The following CSMD1 variants were observed in gnomAD, a reference collection of about 807,000 sequenced individuals.
The protein encoded by CSMD1 is CUB and sushi domain-containing protein 1.
In CSMD1, 213 loss-of-function variants were observed where a neutral mutation model predicts 417.5. The observed-to-expected ratio is 0.51, with a 90% confidence interval of 0.46 to 0.57. The LOEUF (loss-of-function observed/expected upper bound fraction) is 0.57, where lower values mean the gene tolerates loss of function less well. CSMD1 is among the 20% of genes least tolerant of loss of function. CSMD1 has a pLI of 0.00. For missense variants in CSMD1, 6,923 were observed against 4,529.7 expected, an observed-to-expected ratio of 1.53 and a Z score of -15.17; for synonymous variants, 2,862 against 1,736.8, an observed-to-expected ratio of 1.65 and a Z score of -16.11.
chr8:4,170,137 T>TA (rs939127938), intron 3 of CSMD1, among the ~76,000 whole-genome samples: 1 of 151,848 alleles, frequency 6.6e-6, no homozygotes, highest in Non-Finnish European at 1.5e-5. Context: ...GCTTCTCTTG[T>TA]AAAAGTTACC....
At chr8:3,284,544 C>T in intron 25 of CSMD1, 198 bp from the exon 26 acceptor site, 1 of 578,172 alleles carries the variant, frequency 1.7e-6, no homozygotes, top group South Asian at 2.0e-5. Flanking sequence ...GGATAAAGCA[C>T]ACAGGACCTC....
At chr8:4,670,353 G>C (rs536533168) in intron 1 of CSMD1, among the ~76,000 whole-genome samples, 11 of 152,210 alleles carry the variant, frequency 7.2e-5, no homozygotes, top group Admixed American at 1.3e-4. Flanking sequence ...ACCGTGTCAA[G>C]ATTGTGGCTA....
At chr8:4,565,652 T>G (rs1490017759) in intron 2 of CSMD1, among the ~76,000 whole-genome samples, 2 of 151,080 alleles carry the variant, frequency 1.3e-5, no homozygotes, top group South Asian at 2.1e-4. Context: ...GGAGAACCGT[T>G]TGAACCAAGG....
At chr8:3,190,383 C>G (rs1563127528) in intron 33 of CSMD1, among the ~76,000 whole-genome samples, 1 of 152,138 alleles carries the variant, frequency 6.6e-6, no homozygotes, top group Non-Finnish European at 1.5e-5. Flanking sequence ...TCAGGACCAT[C>G]TCAGTGTCCT....
In CSMD1 at chr8:3,196,769, T is replaced by C. The variant is rs190609739; in HGVS notation, c.5194+2945A>G. Among the ~76,000 whole-genome samples the C allele has an allele frequency of 2.1e-3, 318 of 152,280 alleles. 8 individuals carry two copies. Among genetic ancestry groups the C allele is most frequent in the Non-Finnish European group, 1.0e-3 (69 of 68,020 alleles). ...TGCAGGTCACTCATCTCAGTCTCCA[T>C]ACTGCTCCTTCCATCACTGGAGACC... is the stretch of plus-strand genomic sequence containing the variant. On this transcript the variant is annotated intron_variant, in intron 33 of 69. Transcript: ENST00000635120.
chr8:4,618,916 T>C (rs997504852), intron 2 of CSMD1, among the ~76,000 whole-genome samples: 1 of 152,104 alleles, frequency 6.6e-6, no homozygotes, highest in African/African-American at 2.4e-5. Flanking sequence ...CATAAACTCT[T>C]CACAAAAGAA....
chr8:4,402,594 A>G (rs1804716249), intron 3 of CSMD1, among the ~76,000 whole-genome samples: 1 of 152,128 alleles, frequency 6.6e-6, no homozygotes, highest in Admixed American at 6.5e-5. Context: ...AGATGCTTTG[A>G]ATATTACATT....
intron 1 of CSMD1, among the ~76,000 whole-genome samples, chr8:4,853,108 A>G (rs1460583466): frequency 2.6e-5 from 4 of 152,194 alleles, no homozygotes; most frequent in Non-Finnish European, 5.9e-5. Context: ...AAAGAAAAGC[A>G]TGTTTTTAGT....
intron 3 of CSMD1, among the ~76,000 whole-genome samples, chr8:4,347,522 A>G (rs974247796): frequency 6.6e-6 from 1 of 152,176 alleles, no homozygotes; most frequent in South Asian, 2.1e-4. Context: ...TACCAATGAC[A>G]TTACAGGATA....
At chr8:4,956,466 T>A (rs2117309921) in intron 1 of CSMD1, among the ~76,000 whole-genome samples, 1 of 148,586 alleles carries the variant, frequency 6.7e-6, no homozygotes, top group East Asian at 1.9e-4. Context: ...ATATTTTAAA[T>A]ATATTATAAA....
intron 1 of CSMD1, among the ~76,000 whole-genome samples, chr8:4,948,567 GT>G (rs1758344438): frequency 6.6e-6 from 1 of 151,926 alleles, no homozygotes; most frequent in Non-Finnish European, 1.5e-5. Flanking sequence ...TTTATTCATA[GT>G]ACCTTTATGT....
At chr8:3,478,161 G>T (rs958633202) in intron 11 of CSMD1, among the ~76,000 whole-genome samples, 1 of 152,188 alleles carries the variant, frequency 6.6e-6, no homozygotes, top group African/African-American at 2.4e-5. Flanking sequence ...ATCCATTACA[G>T]CCAGGTGGCA....
At chr8:4,346,154 G>T (rs1800767428) in intron 3 of CSMD1, among the ~76,000 whole-genome samples, 1 of 152,000 alleles carries the variant, frequency 6.6e-6, no homozygotes, top group Non-Finnish European at 1.5e-5. Flanking sequence ...TCTCCATGCT[G>T]GTCAACTATG....
chr8:4,375,516 G>GA (rs980303007), intron 3 of CSMD1, among the ~76,000 whole-genome samples: 1 of 152,062 alleles, frequency 6.6e-6, no homozygotes, highest in African/African-American at 2.4e-5. Flanking sequence ...GACATCAGAA[G>GA]AATTTTTTTT....
intron 3 of CSMD1, among the ~76,000 whole-genome samples, chr8:4,365,143 G>A (rs1341746913): frequency 6.6e-6 from 1 of 152,000 alleles, no homozygotes; most frequent in South Asian, 2.1e-4. Context: ...CTAATATACA[G>A]CATATCATAT....
intron 1 of CSMD1, among the ~76,000 whole-genome samples, chr8:4,927,599 C>T (rs1806956705): frequency 6.6e-6 from 1 of 152,150 alleles, no homozygotes; most frequent in Non-Finnish European, 1.5e-5. Context: ...AGAGGTTCTT[C>T]ATGGCATCCT....
intron 5 of CSMD1, among the ~76,000 whole-genome samples, chr8:3,776,807 G>GATATATATATATATATATATAT (rs151060171): frequency 0.054 from 7,445 of 138,552 alleles, 328 homozygotes; most frequent in East Asian, 0.082. Flanking sequence ...ATATAGACGA[G>GATATATATATATATATATATAT]ATATATATAT....
chr8:4,555,506 C>G (rs191460735), intron 2 of CSMD1, among the ~76,000 whole-genome samples: 6 of 152,258 alleles, frequency 3.9e-5, no homozygotes, highest in Admixed American at 1.3e-4. Flanking sequence ...TGCCTGGCCA[C>G]TTGGTTTTCT....
At chr8:3,512,412 G>C (rs190256948) in intron 10 of CSMD1, among the ~76,000 whole-genome samples, 18 of 152,100 alleles carry the variant, frequency 1.2e-4, no homozygotes, top group African/African-American at 4.3e-4. Context: ...CAGGCTTTTG[G>C]TGCACAGAAT....
Sources: allele counts gnomAD v4.1 joint callset (sites outside exome capture counted in the v4.1 genomes callset), GRCh38; gene constraint gnomAD v4.1.1; transcripts MANE v1.5; gene names NCBI Gene and HGNC (gene_info 2026-07-23, HGNC 2026-07-21).